The following RAD54L2 variants were observed in gnomAD, a reference collection of about 807,000 sequenced individuals.
RAD54L2 encodes helicase ARIP4.
A neutral mutation model predicts 138.4 loss-of-function variants in RAD54L2; 27 were observed. The ratio of observed to expected loss-of-function variants is 0.20; its 90% CI spans 0.14 to 0.27. The LOEUF (loss-of-function observed/expected upper bound fraction) is 0.27. Among genes scored for constraint, RAD54L2 ranks in the 10% least tolerant of loss-of-function variants. RAD54L2 has a pLI of 1.00. For synonymous variants in RAD54L2, 644 were observed against 723.2 expected, an observed-to-expected ratio of 0.89 and a Z score of 1.76; for missense variants, 1,396 against 1,890.2, an observed-to-expected ratio of 0.74 and a Z score of 4.85.
intron 9 of RAD54L2, among the ~76,000 whole-genome samples, chr3:51,634,511 A>G (rs1460136502): frequency 6.6e-6 from 1 of 151,942 alleles, no homozygotes; most frequent in Non-Finnish European, 1.5e-5. Context: ...CTGGGATTAC[A>G]GGCACCCATC....
Position 51,638,615 on chromosome 3 carries a change from C to T in RAD54L2, c.1860+294C>T, listed in dbSNP as rs767818912. ...TTAATGGAAAAATACTGTGGGGCAG[C>T]GTTTTTGACTGCTAGCATAATCAGA... On this transcript the variant is annotated intron_variant, in intron 12 of 22. Transcript: ENST00000684192. This position sits in a 1 kb window ranked among gnomAD's most constrained non-coding sequence, Gnocchi z 4.3. 1.7e-4 allele frequency: 51 copies of T among 306,410 alleles called. No individual in the cohort carries two copies. The highest frequency in any genetic ancestry group is 2.9e-4 in the South Asian group (3 of 10,200). The allele number at this position is 306,410 out of a possible 1,614,324, so 19.0% of individuals were successfully genotyped here.
At chr3:51,621,203 T>G (rs1700563439) in intron 3 of RAD54L2, among the ~76,000 whole-genome samples, 1 of 152,224 alleles carries the variant, frequency 6.6e-6, no homozygotes, top group Non-Finnish European at 1.5e-5. Flanking sequence ...TGTATTTACA[T>G]GACAATGAAC....
intron 19 of RAD54L2, among the ~76,000 whole-genome samples, chr3:51,652,308 C>G (rs896536264): frequency 4.6e-5 from 7 of 152,178 alleles, no homozygotes; most frequent in African/African-American, 1.4e-4. Flanking sequence ...GAAGAACATT[C>G]CATGCTCAGA....
intron 3 of RAD54L2, among the ~76,000 whole-genome samples, chr3:51,620,630 A>G (rs542555498): frequency 6.6e-6 from 1 of 152,136 alleles, no homozygotes; most frequent in Non-Finnish European, 1.5e-5. Flanking sequence ...TCATTTGCCT[A>G]GTCAAATTTA....
intron 3 of RAD54L2, among the ~76,000 whole-genome samples, chr3:51,621,537 G>A (rs1700570080): frequency 6.6e-6 from 1 of 152,156 alleles, no homozygotes; most frequent in Non-Finnish European, 1.5e-5. Flanking sequence ...CCCGGGAACA[G>A]CCCATTCCAC....
chr3:51,618,075 C>G (rs1700487768), intron 3 of RAD54L2, among the ~76,000 whole-genome samples: 2 of 151,674 alleles, frequency 1.3e-5, no homozygotes, highest in Admixed American at 6.6e-5. Flanking sequence ...TCTCTTGCCT[C>G]ATCCTCCGGA....
intron 2 of RAD54L2, among the ~76,000 whole-genome samples, chr3:51,549,144 C>T (rs1455641884): frequency 6.6e-6 from 1 of 152,138 alleles, no homozygotes; most frequent in Non-Finnish European, 1.5e-5. Context: ...CAGGCGCCCA[C>T]CACCACGCCC....
Position 51,659,384 on chromosome 3 carries a change from C to T in RAD54L2, c.3317-642C>T, listed in dbSNP as rs1052458900. On this transcript the variant is annotated intron_variant, in intron 21 of 22. Transcript: ENST00000684192. Reference sequence around the variant, plus strand: ...CCTCCCAAAATGCTGGGATTACAGGCGTGAGCCACTGTGCCCGGCCCAAAA... The same window carrying T: ...CCTCCCAAAATGCTGGGATTACAGGTGTGAGCCACTGTGCCCGGCCCAAAA... 9.2e-5 allele frequency among the ~76,000 whole-genome samples: 14 copies of T among 152,218 alleles called. 1 individual carries two copies. The highest frequency in any genetic ancestry group is 2.6e-4 in the Admixed American group (4 of 15,286).
intron 3 of RAD54L2, 22 bp downstream of exon 3, chr3:51,590,581 A>G (rs777674559): frequency 1.9e-6 from 3 of 1,552,346 alleles, no homozygotes; most frequent in South Asian, 1.2e-5. Flanking sequence ...CTATTGAGTG[A>G]CAGAAGTTGC....
chr3:51,647,487 G>A (rs867154882), intron 19 of RAD54L2, among the ~76,000 whole-genome samples: 2 of 152,108 alleles, frequency 1.3e-5, no homozygotes, highest in South Asian at 4.1e-4. Context: ...TTCCAACATG[G>A]AGAAACCCCC....
In RAD54L2 at chr3:51,638,429, G is replaced by A. The variant is rs973102682; in HGVS notation, c.1860+108G>A. The A allele has an allele frequency of 4.4e-6, 6 of 1,355,962 alleles. No individual in the cohort carries two copies. In the African/African-American group the frequency reaches 8.6e-5, roughly 19 times the overall value. 84.0% of individuals were successfully genotyped at this position (1,355,962 alleles called of 1,614,324 possible). On this transcript the variant is annotated intron_variant, in intron 12 of 22. Transcript: ENST00000684192. The surrounding 1 kb of genome is among the most constrained non-coding windows in gnomAD (Gnocchi z 4.3). ...CAATAAAGGGAGAATAAAGTGAGAGGGGGCCACCTCAGTTCACTGCACTGG... is the reference window on the plus strand; with the variant it reads ...CAATAAAGGGAGAATAAAGTGAGAGAGGGCCACCTCAGTTCACTGCACTGG...
intron 22 of RAD54L2, among the ~76,000 whole-genome samples, chr3:51,661,115 C>T (rs1701759284): frequency 6.6e-6 from 1 of 152,044 alleles, no homozygotes; most frequent in Admixed American, 6.6e-5. Context: ...GTGCGTGCCA[C>T]CACGCCCAGC....
At position 51,636,938 on chromosome 3, in the gene RAD54L2, A is replaced by G. The variant is rs539070766; in HGVS notation, c.1340-223A>G. ...ACAGTGTGAGACTCTGTCTCAAAAA[A>G]GAAAAAAAAAGAGTCAACTGCCAGA... On this transcript the variant is annotated intron_variant, in intron 10 of 22. Transcript: ENST00000684192. 33 of 556,698 alleles carry G rather than the reference A, an allele frequency of 5.9e-5. No individual in the cohort carries two copies. In the Admixed American group the frequency reaches 7.7e-4, roughly 13 times the overall value. 34.5% of individuals were successfully genotyped at this position (556,698 alleles called of 1,614,324 possible). A position where few individuals can be genotyped will look rare whatever the true frequency, so the allele number is the denominator to read the frequency against.
intron 19 of RAD54L2, among the ~76,000 whole-genome samples, chr3:51,647,618 G>C (rs1009177944): frequency 2.0e-5 from 3 of 152,096 alleles, no homozygotes; most frequent in African/African-American, 4.8e-5. Context: ...GTGGTGAGCC[G>C]AGATCGCGCC....
intron 3 of RAD54L2, among the ~76,000 whole-genome samples, chr3:51,596,000 T>G (rs899743631): frequency 3.4e-5 from 5 of 148,110 alleles, no homozygotes; most frequent in African/African-American, 1.2e-4. Flanking sequence ...AGTGGCGTGA[T>G]CACGACTCAC....
At chr3:51,598,177 G>GTGTGTGTATATA (rs374594036) in intron 3 of RAD54L2, among the ~76,000 whole-genome samples, 5 of 135,258 alleles carry the variant, frequency 3.7e-5, no homozygotes, top group African/African-American at 1.4e-4. Flanking sequence ...GTGTGTGTGT[G>GTGTGTGTATATA]TATATATATA....
chr3:51,552,681 C>G (rs969853273), intron 2 of RAD54L2, among the ~76,000 whole-genome samples: 2 of 150,948 alleles, frequency 1.3e-5, no homozygotes, highest in African/African-American at 4.9e-5. Flanking sequence ...AAGTGATCCT[C>G]CCACCTCAGC....
At chr3:51,623,207 T>C (rs1455266018) in intron 3 of RAD54L2, among the ~76,000 whole-genome samples, 1 of 152,228 alleles carries the variant, frequency 6.6e-6, no homozygotes, top group Non-Finnish European at 1.5e-5. Flanking sequence ...CGAGGCAGTA[T>C]GTGTGTGTAA....
chr3:51,577,385 A>G (rs574731420), intron 2 of RAD54L2, among the ~76,000 whole-genome samples: 1 of 152,226 alleles, frequency 6.6e-6, no homozygotes, highest in African/African-American at 2.4e-5. Flanking sequence ...GCTGAGTTCA[A>G]TTCCTGGATA....
Sources: allele counts gnomAD v4.1 joint callset (sites outside exome capture counted in the v4.1 genomes callset), GRCh38; gene constraint gnomAD v4.1.1; non-coding constraint Gnocchi (gnomAD v3.1); transcripts MANE v1.5; gene names NCBI Gene and HGNC (gene_info 2026-07-23, HGNC 2026-07-21).